Variants in SPEN observed in about 807,000 individuals in gnomAD.
SPEN encodes the protein spen family transcriptional repressor.
SPEN carries 18 observed loss-of-function variants against 269.9 expected under a neutral mutation model. That is an observed-to-expected ratio of 0.07 (90% CI 0.05 to 0.10). The LOEUF is 0.10. Among genes scored for constraint, SPEN ranks in the 10% least tolerant of loss-of-function variants. SPEN has a pLI of 1.00. For synonymous variants in SPEN, 1,726 were observed against 1,765.7 expected (o/e 0.98, Z 0.56); for missense variants, 3,822 against 4,631.2 (o/e 0.83, Z 5.07).
At position 15,934,712 on chromosome 1, in the gene SPEN, C is replaced by T. The variant is rs1311580096; in HGVS notation, c.8472C>T (p.Thr2824=). The T allele has an allele frequency of 7.4e-6, 12 of 1,614,126 alleles. No individual in the cohort carries two copies. The highest frequency in any genetic ancestry group is 4.0e-5 in the African/African-American group (3 of 75,002). The part of the protein sequence containing the change: ...VVLLSYSGQK[T]EGPQRISAKI... ...TCCTGAGTTACTCAGGGCAGAAGACCGAAGGCCCACAGCGGATCAGCGCCA... is the reference window on the plus strand; with the variant it reads ...TCCTGAGTTACTCAGGGCAGAAGACTGAAGGCCCACAGCGGATCAGCGCCA... The change falls in exon 11 of 15, where the codon ACC becomes ACT. Residue 2824 remains threonine (T), a synonymous_variant. Transcript: ENST00000375759. The surrounding 1 kb of genome is among the most constrained non-coding windows in gnomAD (Gnocchi z 9.2).
Position 15,939,181 on chromosome 1 carries a change from TG to T in SPEN, c.10864-111del. ...ACATAGTCCTGGCACATTTGCTGGT[TG>T]GGGACTGATTTGGCCTGGCTCTTAG... On this transcript the variant is annotated intron_variant, in intron 14 of 14. Transcript: ENST00000375759. The surrounding 1 kb of genome is among the most constrained non-coding windows in gnomAD (Gnocchi z 4.1). 7.2e-7 allele frequency: 1 copy of T among 1,385,088 alleles called. No homozygotes were observed. The highest frequency in any genetic ancestry group is 9.7e-7 in the Non-Finnish European group (1 of 1,031,946). The allele number at this position is 1,385,088 out of a possible 1,614,324, so 85.8% of individuals were successfully genotyped here. A position where few individuals can be genotyped will look rare whatever the true frequency, so the allele number is the denominator to read the frequency against.
chr1:15,856,131 A>G (rs1035738625), intron 1 of SPEN, among the ~76,000 whole-genome samples: 1 of 150,836 alleles, frequency 6.6e-6, no homozygotes, highest in Non-Finnish European at 1.5e-5. Context: ...CTGGGATTAC[A>G]GGCACCTGCC....
At chr1:15,850,820 T>C (rs1005511413) in intron 1 of SPEN, among the ~76,000 whole-genome samples, 1 of 152,222 alleles carries the variant, frequency 6.6e-6, no homozygotes, top group African/African-American at 2.4e-5. Flanking sequence ...ACTTCTGGTG[T>C]CTTGTACAAA....
At chr1:15,871,958 G>A (rs1261419746) in intron 1 of SPEN, among the ~76,000 whole-genome samples, 1 of 152,006 alleles carries the variant, frequency 6.6e-6, no homozygotes, top group Non-Finnish European at 1.5e-5. Flanking sequence ...TTCAAGGCCG[G>A]GTGCTGTGGC....
intron 1 of SPEN, among the ~76,000 whole-genome samples, chr1:15,860,538 C>G (rs550112619): frequency 6.6e-6 from 1 of 151,066 alleles, no homozygotes; most frequent in African/African-American, 2.4e-5. Flanking sequence ...GATATCCTCC[C>G]GCCTCAGCCT....
chr1:15,910,123 CTAAAAAAAAAAA>C (rs1259890416), intron 4 of SPEN, among the ~76,000 whole-genome samples: 1 of 68,136 alleles, frequency 1.5e-5, no homozygotes, highest in Non-Finnish European at 2.5e-5. Flanking sequence ...GACTCTGTCT[CTAAAAAAAAAAA>C]AAAAAAAAAA....
Position 15,876,594 on chromosome 1 carries a change from C to T in SPEN, c.797C>T (p.Thr266Ile). 3.1e-6 allele frequency: 5 copies of T among 1,614,064 alleles called. No homozygotes were observed. The highest frequency in any genetic ancestry group is 4.2e-6 in the Non-Finnish European group (5 of 1,180,016). ...CTGGCTAGCCAAGCATCTAGACCCACAAGGTCCCCTAGCGGCAGCGGCTCT... is the reference window on the plus strand; with the variant it reads ...CTGGCTAGCCAAGCATCTAGACCCATAAGGTCCCCTAGCGGCAGCGGCTCT... ...QRLASQASRP[T>I]RSPSGSGSRS... The change falls in exon 3 of 15, where the codon ACA becomes ATA. Residue 266 changes from threonine to isoleucine, a missense_variant. Thr to Ile is a moderately conservative substitution (Grantham distance 89). Transcript: ENST00000375759.
At chr1:15,920,822 G>A (rs1190378373) in intron 8 of SPEN, 48 bp from the exon 9 acceptor site, 3 of 1,074,628 alleles carry the variant, frequency 2.8e-6, no homozygotes, top group Non-Finnish European at 4.1e-6. Context: ...CTGACACTAA[G>A]TCCAGTGGAT....
chr1:15,924,023 A>G (rs1273751439), intron 10 of SPEN, among the ~76,000 whole-genome samples: 1 of 152,158 alleles, frequency 6.6e-6, no homozygotes, highest in African/African-American at 2.4e-5. Context: ...CAAAAGCTCA[A>G]ACTTGTCAGG....
intron 1 of SPEN, among the ~76,000 whole-genome samples, chr1:15,854,003 G>A (rs11576202): frequency 0.068 from 10,385 of 151,916 alleles, 416 homozygotes; most frequent in African/African-American, 0.075. Flanking sequence ...GTTTCACCAT[G>A]TTGGCCAGGC....
At chr1:15,882,106 CTAT>C (rs1188878091) in intron 3 of SPEN, among the ~76,000 whole-genome samples, 1 of 152,120 alleles carries the variant, frequency 6.6e-6, no homozygotes, top group East Asian at 1.9e-4. Flanking sequence ...AATAACACAT[CTAT>C]TGTTTCTGCA....
chr1:15,913,724 A>T (rs2071032405), intron 5 of SPEN, among the ~76,000 whole-genome samples: 2 of 152,028 alleles, frequency 1.3e-5, no homozygotes, highest in South Asian at 4.2e-4. Flanking sequence ...CCCCATCTCT[A>T]CAAAAAATAA....
At chr1:15,853,402 G>C (rs1191092220) in intron 1 of SPEN, among the ~76,000 whole-genome samples, 2 of 151,922 alleles carry the variant, frequency 1.3e-5, no homozygotes, top group Admixed American at 1.3e-4. Context: ...GGCCAGGCTG[G>C]TCTTGAACTC....
At chr1:15,884,792 G>C (rs2148715639) in intron 3 of SPEN, among the ~76,000 whole-genome samples, 1 of 151,328 alleles carries the variant, frequency 6.6e-6, no homozygotes, top group East Asian at 1.9e-4. Context: ...AGAGTGCAGT[G>C]GTGCAATCTA....
At chr1:15,879,140 C>T (rs1476185676) in intron 3 of SPEN, among the ~76,000 whole-genome samples, 1 of 151,404 alleles carries the variant, frequency 6.6e-6, no homozygotes, top group African/African-American at 2.4e-5. Flanking sequence ...GTCAGGAGTT[C>T]GAGACCAGCC....
In SPEN at chr1:15,929,846, T is replaced by C. The variant is rs757941403; in HGVS notation, c.3606T>C (p.Tyr1202=). The C allele has an allele frequency of 3.1e-6, 5 of 1,614,158 alleles. 1 individual carries two copies. The South Asian group carries it at 5.5e-5, about 18-fold the overall frequency. ...FGSPKKDVDE[Y]ERRSLVHEVG... The stretch of plus-strand genomic sequence containing the variant: ...GTCCTAAAAAAGATGTAGATGAATA[T>C]GAAAGACGTAGCCTCGTTCACGAGG... Residue 1202 remains tyrosine, a synonymous_variant, in exon 11 of 15, where the codon TAT becomes TAC. Transcript: ENST00000375759. The surrounding 1 kb of genome is among the most constrained non-coding windows in gnomAD (Gnocchi z 5.8).
intron 1 of SPEN, among the ~76,000 whole-genome samples, chr1:15,861,653 G>C (rs960594417): frequency 2.6e-5 from 4 of 151,632 alleles, no homozygotes; most frequent in African/African-American, 4.8e-5. Flanking sequence ...TTTTTTTGTG[G>C]GGGGAGTAGT....
intron 2 of SPEN, chr1:15,874,452 CT>C (rs985199237): frequency 6.6e-5 from 82 of 1,245,946 alleles, no homozygotes; most frequent in Non-Finnish European, 7.1e-5. Flanking sequence ...GTCAAACTCT[CT>C]TTTTTTCCCC....
intron 3 of SPEN, among the ~76,000 whole-genome samples, chr1:15,904,389 C>T (rs2070933215): frequency 7.5e-6 from 1 of 134,214 alleles, no homozygotes; most frequent in African/African-American, 2.9e-5. Context: ...TCACTTGAAC[C>T]TGGAAGGTGG....
Sources: allele counts gnomAD v4.1 joint callset (sites outside exome capture counted in the v4.1 genomes callset), GRCh38; gene constraint gnomAD v4.1.1; non-coding constraint Gnocchi (gnomAD v3.1); transcripts MANE v1.5; gene names NCBI Gene and HGNC (gene_info 2026-07-23, HGNC 2026-07-21).